PNKD: variants seen among roughly 807,000 people sequenced by gnomAD.
PNKD encodes probable thioesterase PNKD.
Under a neutral mutation model 45.3 loss-of-function variants are expected in PNKD, and 36 were observed. The ratio of observed to expected loss-of-function variants is 0.80; its 90% CI spans 0.61 to 1.05. The LOEUF is 1.05. PNKD is among the 50% of genes least tolerant of loss of function. PNKD has a pLI of 0.00. For synonymous variants in PNKD, 197 were observed against 210.1 expected (o/e 0.94, Z 0.54); for missense variants, 511 against 506.6 (o/e 1.01, Z -0.08).
At chr2:218,274,344 C>G (rs997841024) in intron 2 of PNKD, 2 of 154,888 alleles carry the variant, frequency 1.3e-5, no homozygotes, top group Non-Finnish European at 2.9e-5. Flanking sequence ...GACCCTTGTC[C>G]CCCTTCCCCA....
chr2:218,294,130 C>A (rs1243269642), intron 2 of PNKD, among the ~76,000 whole-genome samples: 1 of 151,998 alleles, frequency 6.6e-6, no homozygotes, highest in Non-Finnish European at 1.5e-5. Flanking sequence ...TTTAGGAAGT[C>A]CCCACCCAAG....
At chr2:218,280,287 AGTG>A in intron 2 of PNKD, 1 of 604,210 alleles carries the variant, frequency 1.7e-6, no homozygotes, top group Non-Finnish European at 3.0e-6. Context: ...ACACCCTCAG[AGTG>A]ACCCAGAGCC....
intron 2 of PNKD, among the ~76,000 whole-genome samples, chr2:218,324,659 G>A (rs1694091109): frequency 6.6e-6 from 1 of 152,120 alleles, no homozygotes; most frequent in Non-Finnish European, 1.5e-5. Context: ...TTTAGGCCAG[G>A]TGCGGTGGCT....
chr2:218,335,207 C>T (rs890634493), intron 2 of PNKD, among the ~76,000 whole-genome samples: 4 of 151,788 alleles, frequency 2.6e-5, no homozygotes, highest in Admixed American at 1.3e-4. Flanking sequence ...ATGGGCTGGG[C>T]GCGGTGGCTC....
chr2:218,324,953 AAAAG>A (rs1194682212), intron 2 of PNKD, among the ~76,000 whole-genome samples: 1 of 140,426 alleles, frequency 7.1e-6, no homozygotes, highest in African/African-American at 3.2e-5. Context: ...AAAAAAAAGA[AAAAG>A]AAAAAAAAAT....
At chr2:218,315,330 CG>C (rs1298597590) in intron 2 of PNKD, among the ~76,000 whole-genome samples, 1 of 151,748 alleles carries the variant, frequency 6.6e-6, no homozygotes, top group Admixed American at 6.6e-5. Flanking sequence ...TTAGTAGAGA[CG>C]GGGTTTCACC....
At chr2:218,332,062 G>C (rs1418884433) in intron 2 of PNKD, among the ~76,000 whole-genome samples, 1 of 152,206 alleles carries the variant, frequency 6.6e-6, no homozygotes, top group Non-Finnish European at 1.5e-5. Flanking sequence ...CAGAAGGCCT[G>C]ACTGGAAGTT....
intron 2 of PNKD, among the ~76,000 whole-genome samples, chr2:218,338,853 T>G (rs1234230694): frequency 6.8e-6 from 1 of 146,224 alleles, no homozygotes; most frequent in African/African-American, 2.5e-5. Context: ...AGTACAGTGG[T>G]GCAATCATGG....
chr2:218,292,046 C>T (rs1053439058), intron 2 of PNKD, among the ~76,000 whole-genome samples: 1 of 152,084 alleles, frequency 6.6e-6, no homozygotes, highest in African/African-American at 2.4e-5. Context: ...GTCTCCCCTC[C>T]CTCTTCCCTC....
At chr2:218,327,618 A>G (rs1427541004) in intron 2 of PNKD, among the ~76,000 whole-genome samples, 1 of 151,924 alleles carries the variant, frequency 6.6e-6, no homozygotes, top group Admixed American at 6.6e-5. Context: ...TCTGCAAGCC[A>G]CATTGCCGAC....
Position 218,322,502 on chromosome 2 carries a change from A to C in PNKD, c.237-17281A>C, listed in dbSNP as rs906245978. Among the ~76,000 whole-genome samples the C allele has an allele frequency of 3.3e-5, 5 of 152,262 alleles. No individual in the cohort carries two copies. In the South Asian group the frequency reaches 8.3e-4, roughly 25 times the overall value. ...GCCCCTCTGTGCCACCCATGGCTAC[A>C]TATCCTAGGTCATGTTGCTCCTCCA... On this transcript the variant is annotated intron_variant, in intron 2 of 9. Coordinates refer to ENST00000273077, the MANE Select transcript of PNKD (RefSeq NM_015488.5).
At chr2:218,289,634 A>AAAC (rs1553662523) in intron 2 of PNKD, among the ~76,000 whole-genome samples, 4 of 150,874 alleles carry the variant, frequency 2.7e-5, no homozygotes, top group South Asian at 2.1e-4. Flanking sequence ...AGAAAAAAAA[A>AAAC]AAAAAAAAAA....
chr2:218,282,244 G>T, intron 2 of PNKD: 2 of 987,780 alleles, frequency 2.0e-6, no homozygotes, highest in Non-Finnish European at 2.8e-6. Context: ...AGCCTCATGG[G>T]CCCACTTCCA....
chr2:218,278,255 G>A (rs1341497745), intron 2 of PNKD: 11 of 604,508 alleles, frequency 1.8e-5, no homozygotes, highest in Non-Finnish European at 2.9e-5. Context: ...CAGCCTCTTT[G>A]AGCCTCGGGT....
chr2:218,319,687 T>C (rs1311539290), intron 2 of PNKD, among the ~76,000 whole-genome samples: 3 of 152,218 alleles, frequency 2.0e-5, no homozygotes, highest in Non-Finnish European at 4.4e-5. Context: ...TCTTGTGTAT[T>C]ATAGGATGTT....
At chr2:218,338,733 C>T (rs1476747202) in intron 2 of PNKD, among the ~76,000 whole-genome samples, 1 of 151,448 alleles carries the variant, frequency 6.6e-6, no homozygotes, top group Non-Finnish European at 1.5e-5. Context: ...ATCCACCTGC[C>T]TCGGCCTCCC....
intron 2 of PNKD, among the ~76,000 whole-genome samples, chr2:218,274,000 A>G (rs1021131725): frequency 1.3e-5 from 2 of 152,206 alleles, no homozygotes; most frequent in East Asian, 3.8e-4. Flanking sequence ...CCAGTGATCC[A>G]GTGTGATAGG....
chr2:218,335,920 T>C (rs531832437), intron 2 of PNKD, among the ~76,000 whole-genome samples: 1 of 152,188 alleles, frequency 6.6e-6, no homozygotes, highest in South Asian at 2.1e-4. Context: ...TCAATCCTTG[T>C]AGAGACTTAG....
Position 218,344,998 on chromosome 2 carries a change from A to G in PNKD, c.*17A>G. ...AGCAAGTGATGCCCCCAGCGCCCCC[A>G]GCCCAGCCCACTCCCCGCATGGGGA... On this transcript the variant is annotated 3_prime_UTR_variant, in exon 10 of 10. Coordinates refer to ENST00000273077, the MANE Select transcript of PNKD (RefSeq NM_015488.5). 6.3e-7 allele frequency: 1 copy of G among 1,598,566 alleles called. No homozygotes were observed.
Sources: allele counts gnomAD v4.1 joint callset (sites outside exome capture counted in the v4.1 genomes callset), GRCh38; gene constraint gnomAD v4.1.1; transcripts MANE v1.5; gene names NCBI Gene and HGNC (gene_info 2026-07-23, HGNC 2026-07-21).